The following ARHGAP5 variants were observed in gnomAD, a reference collection of about 807,000 sequenced individuals.
ARHGAP5 encodes Rho GTPase activating protein 5.
ARHGAP5 carries 23 observed loss-of-function variants against 116.6 expected under a neutral mutation model. That is an observed-to-expected ratio of 0.20 (90% CI 0.14 to 0.28). The LOEUF is 0.28. Ranked by LOEUF, ARHGAP5 falls within the 10% of genes least tolerant of loss-of-function variation. The probability of loss-of-function intolerance (pLI) is 1.00; values close to 1 mark genes in which losing one functional copy is unlikely to be tolerated. For missense variants in ARHGAP5, 1,405 were observed against 1,774.8 expected (o/e 0.79, Z 3.74); for synonymous variants, 574 against 602.0 (o/e 0.95, Z 0.68).
At chr14:32,141,797 GT>G (rs929444987) in intron 3 of ARHGAP5, among the ~76,000 whole-genome samples, 6 of 151,638 alleles carry the variant, frequency 4.0e-5, no homozygotes, top group Non-Finnish European at 5.9e-5. Context: ...GGTTTGCAGG[GT>G]TTTTTTTCTC....
At chr14:32,126,786 TC>T (rs961506729) in intron 3 of ARHGAP5, among the ~76,000 whole-genome samples, 5 of 152,124 alleles carry the variant, frequency 3.3e-5, no homozygotes, top group Admixed American at 2.6e-4. Context: ...GATTGATTTT[TC>T]TTTTTTTGGG....
At position 32,077,552 on chromosome 14, in the gene ARHGAP5, C is replaced by G. The variant is rs952558882; in HGVS notation, c.-169+117C>G. The G allele has an allele frequency of 5.3e-6, 3 of 567,496 alleles. No homozygotes were observed. The Admixed American group carries it at 9.8e-5, about 19-fold the overall frequency. The allele number at this position is 567,496 out of a possible 1,614,324, so 35.2% of individuals were successfully genotyped here. A position where few individuals can be genotyped will look rare whatever the true frequency, so the allele number is the denominator to read the frequency against. On this transcript the variant is annotated intron_variant, in intron 1 of 6. Transcript: ENST00000345122. ...TGCCGGTTGTAACCAGTTGAAGGGG[C>G]TGGGGCCCCGCGGCCGCCGAGGGGA...
chr14:32,127,162 TG>T (rs1460721043), intron 3 of ARHGAP5, among the ~76,000 whole-genome samples: 18 of 151,576 alleles, frequency 1.2e-4, no homozygotes, highest in African/African-American at 4.1e-4. Context: ...CACTCCTGGC[TG>T]ATTTTTTTTT....
chr14:32,141,562 C>T (rs1402371220), intron 3 of ARHGAP5, among the ~76,000 whole-genome samples: 2 of 152,152 alleles, frequency 1.3e-5, no homozygotes, highest in African/African-American at 2.4e-5. Context: ...GGCTTATATG[C>T]TTGCCTATCT....
At position 32,093,886 on chromosome 14, in the gene ARHGAP5, C is replaced by T. The variant is rs1223331880; in HGVS notation, c.3217C>T (p.Gln1073Ter). The T allele has an allele frequency of 6.2e-7, 1 of 1,614,076 alleles. No homozygotes were observed. The highest frequency in any genetic ancestry group is 1.1e-5 in the South Asian group (1 of 91,064). The stretch of plus-strand genomic sequence containing the variant: ...TGGTATTGGTAAAAATCCAAGAAAG[C>T]AGACTTCCCGGGTGCCTTTGGCACA... ...EAGIGKNPRK[Q>*]TSRVPLAHPE... The change falls in exon 2 of 7, where the codon CAG becomes TAG. Residue 1073 changes from glutamine (Q) to a stop codon, truncating the protein, a stop_gained. Transcript: ENST00000345122. LOFTEE classifies it high-confidence loss of function.
chr14:32,117,002 C>T (rs1389994363), intron 2 of ARHGAP5, 138 bp from the exon 3 acceptor site: 9 of 572,274 alleles, frequency 1.6e-5, no homozygotes, highest in Admixed American at 1.1e-4. Context: ...ATTTATTTAG[C>T]GAGTCATATT....
At chr14:32,126,239 GT>G (rs981237909) in intron 3 of ARHGAP5, among the ~76,000 whole-genome samples, 1 of 151,670 alleles carries the variant, frequency 6.6e-6, no homozygotes, top group Non-Finnish European at 1.5e-5. Context: ...TTGTTTGTTT[GT>G]TTTTTTGAGA....
intron 2 of ARHGAP5, among the ~76,000 whole-genome samples, chr14:32,106,633 T>C (rs565972739): frequency 1.3e-5 from 2 of 152,344 alleles, no homozygotes; most frequent in South Asian, 4.1e-4. Flanking sequence ...GTAACCTCTG[T>C]ATAAAGTTCC....
In ARHGAP5 at chr14:32,158,334, A is replaced by T. The variant is rs1485261405; in HGVS notation, c.*3386A>T. 2 of 151,948 alleles carry T rather than the reference A, an allele frequency of 1.3e-5. No individual in the cohort carries two copies. The highest frequency in any genetic ancestry group is 3.8e-4 in the East Asian group (2 of 5,202). The allele number at this position is 151,948 out of a possible 1,614,324, so 9.4% of individuals were successfully genotyped here. ...GGGGATGTATATAGGTGAAAATTTG[A>T]TTTTTTAAATTATCAGGAAAACAAG... On this transcript the variant is annotated 3_prime_UTR_variant, in exon 7 of 7. Transcript: ENST00000345122.
chr14:32,098,767 T>C (rs900782863), intron 2 of ARHGAP5, among the ~76,000 whole-genome samples: 1 of 152,224 alleles, frequency 6.6e-6, no homozygotes, highest in African/African-American at 2.4e-5. Context: ...CCCCAGGCCA[T>C]ATAATTTGCT....
chr14:32,106,066 A>G (rs1879002528), intron 2 of ARHGAP5, among the ~76,000 whole-genome samples: 1 of 152,154 alleles, frequency 6.6e-6, no homozygotes, highest in Non-Finnish European at 1.5e-5. Context: ...GTTGTCATGA[A>G]CATTCGAATA....
At position 32,133,001 on chromosome 14, in the gene ARHGAP5, G is replaced by T. The variant is rs180713925; in HGVS notation, c.3866-13262G>T. On this transcript the variant is annotated intron_variant, in intron 3 of 6. Coordinates refer to ENST00000345122, the MANE Select transcript of ARHGAP5 (RefSeq NM_001030055.2). ...TTGGTTACTGTAGCCTTGTAGCATA[G>T]TTTGAAGTCAGGTAGTGTGATGCCT... Among the ~76,000 whole-genome samples, 65 of 152,322 alleles carry T rather than the reference G, an allele frequency of 4.3e-4. 1 individual carries two copies. The highest frequency in any genetic ancestry group is 2.7e-3 in the Admixed American group (41 of 15,304).
rs146269452 is a variant in ARHGAP5, at chr14:32,148,535, A to T, written c.3944-1367A>T. On this transcript the variant is annotated intron_variant, in intron 4 of 6. Coordinates refer to ENST00000345122, the MANE Select transcript of ARHGAP5 (RefSeq NM_001030055.2). ...GGGTAGCTATTACTACAAAGAATGT[A>T]GCCTAAGGAAATAAGCTTGTATGTA... 3.4e-3 allele frequency among the ~76,000 whole-genome samples: 520 copies of T among 152,340 alleles called. 2 individuals carry two copies. Among genetic ancestry groups the T allele is most frequent in the African/African-American group, 0.011 (475 of 41,576 alleles).
intron 3 of ARHGAP5, among the ~76,000 whole-genome samples, chr14:32,119,019 G>A (rs528847242): frequency 9.2e-5 from 14 of 152,052 alleles, no homozygotes; most frequent in Non-Finnish European, 2.1e-4. Context: ...ACTCTCAGGC[G>A]ATTTATATAT....
intron 1 of ARHGAP5, among the ~76,000 whole-genome samples, chr14:32,089,365 T>C (rs1221696288): frequency 1.3e-5 from 2 of 151,890 alleles, no homozygotes; most frequent in Admixed American, 6.6e-5. Flanking sequence ...TTGTCTGGAT[T>C]GAGGATACTT....
At chr14:32,140,008 A>AATATAATT (rs1881012890) in intron 3 of ARHGAP5, among the ~76,000 whole-genome samples, 1 of 149,676 alleles carries the variant, frequency 6.7e-6, no homozygotes, top group South Asian at 2.1e-4. Context: ...TAATTTTGCC[A>AATATAATT]ATATAATTTC....
chr14:32,096,381 A>G (rs1275933742), intron 2 of ARHGAP5, among the ~76,000 whole-genome samples: 1 of 152,214 alleles, frequency 6.6e-6, no homozygotes, highest in East Asian at 1.9e-4. Context: ...CAGAGACCGT[A>G]TGAAAAGTAA....
At chr14:32,109,200 C>T (rs1265600550) in intron 2 of ARHGAP5, among the ~76,000 whole-genome samples, 1 of 151,992 alleles carries the variant, frequency 6.6e-6, no homozygotes, top group Non-Finnish European at 1.5e-5. Context: ...GCCCGAGAAT[C>T]TTTTTGTTGT....
intron 2 of ARHGAP5, among the ~76,000 whole-genome samples, chr14:32,114,317 T>G (rs2139063217): frequency 6.6e-6 from 1 of 152,342 alleles, no homozygotes; most frequent in African/African-American, 2.4e-5. Flanking sequence ...TTCATTTTTC[T>G]AATCAAATGA....
Sources: allele counts gnomAD v4.1 joint callset (sites outside exome capture counted in the v4.1 genomes callset), GRCh38; gene constraint gnomAD v4.1.1; transcripts MANE v1.5; gene names NCBI Gene and HGNC (gene_info 2026-07-23, HGNC 2026-07-21).